The following CYS1 variants were observed in gnomAD, a reference collection of about 807,000 sequenced individuals.
CYS1 encodes cystin-1.
CYS1 carries 5 observed loss-of-function variants against 9.6 expected under a neutral mutation model. The observed-to-expected ratio is 0.52, with a 90% CI of 0.27 to 1.10. CYS1 has a LOEUF of 1.10. Among genes scored for constraint, CYS1 ranks in the 50% least tolerant of loss-of-function variants. The pLI is 0.11. For synonymous variants in CYS1, 88 were observed against 95.7 expected (o/e 0.92, Z 0.47); for missense variants, 221 against 207.9 (o/e 1.06, Z -0.39).
At chr2:10,065,528 C>T (rs1661684155) in intron 2 of CYS1, among the ~76,000 whole-genome samples, 1 of 152,240 alleles carries the variant, frequency 6.6e-6, no homozygotes, top group Non-Finnish European at 1.5e-5. Context: ...GGTGGGCCCG[C>T]TGCTGGCCCT....
intron 2 of CYS1, among the ~76,000 whole-genome samples, chr2:10,061,238 GA>G (rs1661621872): frequency 6.6e-6 from 1 of 151,554 alleles, no homozygotes; most frequent in Non-Finnish European, 1.5e-5. Flanking sequence ...TCTCAAAAAA[GA>G]AAAACCAACC....
chr2:10,080,283 G>A lies in CYS1; in HGVS notation c.-60C>T. 5.0e-6 allele frequency: 5 copies of A among 996,334 alleles called. No homozygotes were observed. Among genetic ancestry groups the A allele is most frequent in the Non-Finnish European group, 4.8e-6 (4 of 833,278 alleles). The allele number at this position is 996,334 out of a possible 1,614,324, so 61.7% of individuals were successfully genotyped here. ...CCCCCATGAGGGGGCGCGGCCGGGG[G>A]CGGGGACGCTAGGGGGTGCGGCCGG... On this transcript the variant is annotated 5_prime_UTR_variant, in exon 1 of 3. Transcript: ENST00000381813. The surrounding 1 kb of genome is among the most constrained non-coding windows in gnomAD (Gnocchi z 6.4).
chr2:10,068,182 GTTCT>G (rs1661720618), intron 1 of CYS1, among the ~76,000 whole-genome samples: 1 of 151,960 alleles, frequency 6.6e-6, no homozygotes, highest in Admixed American at 6.6e-5. Flanking sequence ...GTCCTATTTG[GTTCT>G]TTTTCACATC....
chr2:10,065,195 G>A (rs988961333), intron 2 of CYS1, among the ~76,000 whole-genome samples: 5 of 152,178 alleles, frequency 3.3e-5, no homozygotes, highest in African/African-American at 1.2e-4. Context: ...ACCTCCCAGT[G>A]TCTGTTAAAT....
chr2:10,074,738 A>G (rs1448261915), intron 1 of CYS1, among the ~76,000 whole-genome samples: 1 of 152,162 alleles, frequency 6.6e-6, no homozygotes, highest in Non-Finnish European at 1.5e-5. Flanking sequence ...ATCCTGTGAA[A>G]ATGTGACCCA....
intron 2 of CYS1, among the ~76,000 whole-genome samples, chr2:10,059,757 C>T (rs895608132): frequency 3.3e-5 from 5 of 152,256 alleles, no homozygotes; most frequent in Non-Finnish European, 7.3e-5. Flanking sequence ...GACATCGGTC[C>T]GTGCTTGTAC....
chr2:10,065,348 C>G (rs376014032), intron 2 of CYS1, among the ~76,000 whole-genome samples: 1 of 152,244 alleles, frequency 6.6e-6, no homozygotes, highest in Non-Finnish European at 1.5e-5. Context: ...TGGAGGTCAG[C>G]AAGCCAAGGG....
chr2:10,062,146 C>G (rs1661636610), intron 2 of CYS1, among the ~76,000 whole-genome samples: 1 of 151,900 alleles, frequency 6.6e-6, no homozygotes, highest in Non-Finnish European at 1.5e-5. Context: ...CAGCTGGGAC[C>G]CCAGGCATGT....
rs1661845629 is a variant in CYS1 at position 10,076,498 on chromosome 2, A to G, written c.318+3408T>C. Among the ~76,000 whole-genome samples, 1 of 152,072 alleles carries G rather than the reference A, an allele frequency of 6.6e-6. No homozygotes were observed. The highest frequency in any genetic ancestry group is 2.4e-5 in the African/African-American group (1 of 41,398). ...CTCTCTGACCCATCTCTCACCAAGG[A>G]CCTTGAGACCTCCCGAGTGGCTCAA... On this transcript the variant is annotated intron_variant, in intron 1 of 2. Coordinates refer to ENST00000381813, the MANE Select transcript of CYS1 (RefSeq NM_001037160.3). The surrounding 1 kb of genome is among the most constrained non-coding windows in gnomAD (Gnocchi z 4.3).
chr2:10,069,213 G>A (rs1236908288), intron 1 of CYS1, among the ~76,000 whole-genome samples: 2 of 152,044 alleles, frequency 1.3e-5, no homozygotes, highest in African/African-American at 4.8e-5. Flanking sequence ...TGGCTGCAAA[G>A]GTATAAGGGA....
intron 1 of CYS1, among the ~76,000 whole-genome samples, chr2:10,077,767 T>G (rs1030524265): frequency 6.6e-6 from 1 of 152,110 alleles, no homozygotes; most frequent in Non-Finnish European, 1.5e-5. Flanking sequence ...CCTCGAATAA[T>G]CTGTGATTCT....
chr2:10,057,104 A>G lies in CYS1; in HGVS notation c.*1749T>C, dbSNP rs532015104. The G allele has an allele frequency of 1.3e-5, 2 of 152,390 alleles. No individual in the cohort carries two copies. Among genetic ancestry groups the G allele is most frequent in the African/African-American group, 4.8e-5 (2 of 41,596 alleles). The allele number at this position is 152,390 out of a possible 1,614,324, so 9.4% of individuals were successfully genotyped here. On this transcript the variant is annotated 3_prime_UTR_variant, in exon 3 of 3. Transcript: ENST00000381813. Reference sequence around the variant, plus strand: ...CTTGGAAACCAATTGAAAGCGTCCCATTTTAACAAAATGACATAAAATTAC... The same window carrying G: ...CTTGGAAACCAATTGAAAGCGTCCCGTTTTAACAAAATGACATAAAATTAC...
chr2:10,070,929 G>A (rs966416531), intron 1 of CYS1, among the ~76,000 whole-genome samples: 2 of 151,922 alleles, frequency 1.3e-5, no homozygotes, highest in Admixed American at 6.6e-5. Context: ...TACAGGCATG[G>A]TGAGCCACCA....
intron 1 of CYS1, among the ~76,000 whole-genome samples, chr2:10,077,613 T>C (rs979537963): frequency 1.3e-5 from 2 of 152,114 alleles, no homozygotes; most frequent in African/African-American, 2.4e-5. Context: ...TCACCTGAGG[T>C]CAGGAGTTCA....
At chr2:10,077,332 T>C (rs1045347461) in intron 1 of CYS1, among the ~76,000 whole-genome samples, 4 of 152,158 alleles carry the variant, frequency 2.6e-5, no homozygotes, top group Admixed American at 1.3e-4. Flanking sequence ...TTCAGAATGA[T>C]GATTCAGGGA....
intron 1 of CYS1, among the ~76,000 whole-genome samples, chr2:10,067,298 G>A (rs183834654): frequency 1.1e-3 from 169 of 152,140 alleles, no homozygotes; most frequent in Non-Finnish European, 1.8e-3. Context: ...GATTACAGGC[G>A]TGAGCCACTG....
At chr2:10,061,859 T>C (rs1661633611) in intron 2 of CYS1, among the ~76,000 whole-genome samples, 2 of 152,260 alleles carry the variant, frequency 1.3e-5, no homozygotes, top group African/African-American at 4.8e-5. Flanking sequence ...TTCTTTCCCC[T>C]GCTTGGGTGG....
At position 10,059,172 on chromosome 2, in the gene CYS1, A is replaced by G. The variant is rs572913969; in HGVS notation, c.372-214T>C. On this transcript the variant is annotated intron_variant, in intron 2 of 2. Coordinates refer to ENST00000381813, the MANE Select transcript of CYS1 (RefSeq NM_001037160.3). ...ATCTCCCACAACGCTGAGCCCTCGC[A>G]GAGTGGAAGCCAGCACCTGCCCTGG... 2.2e-3 allele frequency among the ~76,000 whole-genome samples: 332 copies of G among 152,366 alleles called. 4 individuals carry two copies. The highest frequency in any genetic ancestry group is 3.6e-3 in the Non-Finnish European group (245 of 68,032).
At chr2:10,070,380 C>G (rs1661749608) in intron 1 of CYS1, among the ~76,000 whole-genome samples, 1 of 152,208 alleles carries the variant, frequency 6.6e-6, no homozygotes, top group African/African-American at 2.4e-5. Context: ...GAGTCTTGCT[C>G]TGTCATCCAG....
Sources: allele counts gnomAD v4.1 joint callset (sites outside exome capture counted in the v4.1 genomes callset), GRCh38; gene constraint gnomAD v4.1.1; non-coding constraint Gnocchi (gnomAD v3.1); transcripts MANE v1.5; gene names NCBI Gene and HGNC (gene_info 2026-07-23, HGNC 2026-07-21).